AGGF1: variants seen among roughly 807,000 people sequenced by gnomAD.
AGGF1 encodes the protein angiogenic factor with G-patch and FHA domains 1, also known as angiogenic factor with G patch and FHA domains 1.
In AGGF1, 56 loss-of-function variants were observed where a neutral mutation model predicts 86.5. The ratio of observed to expected loss-of-function variants is 0.65; its 90% CI spans 0.52 to 0.81. The LOEUF is 0.81. Ranked by LOEUF, AGGF1 falls within the 30% of genes least tolerant of loss-of-function variation. The pLI is 0.00. For synonymous variants in AGGF1, 313 were observed against 297.1 expected (o/e 1.05, Z -0.55); for missense variants, 816 against 850.9 (o/e 0.96, Z 0.51).
intron 2 of AGGF1, 53 bp from the exon 3 acceptor site, chr5:77,035,488 T>C (rs1746947723): frequency 1.4e-6 from 2 of 1,399,608 alleles, no homozygotes; most frequent in Admixed American, 1.9e-5. Flanking sequence ...TTAAGTCCTT[T>C]TTATATACAT....
chr5:77,054,718 A>T (rs922692549), intron 10 of AGGF1, among the ~76,000 whole-genome samples: 1 of 152,194 alleles, frequency 6.6e-6, no homozygotes, highest in African/African-American at 2.4e-5. Context: ...ATCAATTAAA[A>T]TAATTTAAAA....
Position 77,063,118 on chromosome 5 carries a change from G to T in AGGF1, c.2011G>T (p.Val671Phe), listed in dbSNP as rs546793289. ...AGGCAAACCATCCTCATTTGAAGAT[G>T]TTCACCTTCTCCAAAACAAGAACAA... ...GTGKPSSFED[V>F]HLLQNKNKKN... The change falls in exon 14 of 14, where the codon GTT becomes TTT. Residue 671 changes from valine (V) to phenylalanine (F), a missense_variant. Physicochemically the swap from Val to Phe is conservative, Grantham distance 50. This residue lies in a region of AGGF1 where 565 missense variants were observed against 585.8 expected (regional missense o/e 0.96). Transcript: ENST00000312916. 1 of 1,614,006 alleles carries T rather than the reference G, an allele frequency of 6.2e-7. No individual in the cohort carries two copies. The highest frequency in any genetic ancestry group is 1.3e-5 in the African/African-American group (1 of 74,998).
chr5:77,040,108 A>ATT (rs11320290), intron 5 of AGGF1, among the ~76,000 whole-genome samples: 3 of 141,892 alleles, frequency 2.1e-5, no homozygotes, highest in Non-Finnish European at 1.5e-5. Flanking sequence ...TACTAGGACA[A>ATT]TTTTTTTTTT....
chr5:77,046,240 C>T, intron 5 of AGGF1, 107 bp from the exon 6 acceptor site: 1 of 963,126 alleles, frequency 1.0e-6, no homozygotes, highest in Non-Finnish European at 1.7e-6. Flanking sequence ...TGTTATTTTA[C>T]TGACACATAT....
rs749626928 is a variant in AGGF1 at position 77,055,601 on chromosome 5, G to A, written c.1716+5G>A. The A allele has an allele frequency of 9.0e-6, 14 of 1,559,460 alleles. No homozygotes were observed. The highest frequency in any genetic ancestry group is 1.2e-5 in the Non-Finnish European group (14 of 1,132,794). On this transcript the variant is annotated splice_donor_5th_base_variant and intron_variant, in intron 11 of 13. Transcript: ENST00000312916. The stretch of plus-strand genomic sequence containing the variant: ...CGAGTAAAATATGGTTTACAGGTGA[G>A]GATGTTGAATATTGTTTCATTTGTT...
At chr5:77,036,386 C>T (rs1746967355) in intron 3 of AGGF1, among the ~76,000 whole-genome samples, 170 bp from the exon 4 acceptor site, 1 of 152,178 alleles carries the variant, frequency 6.6e-6, no homozygotes, top group African/African-American at 2.4e-5. Flanking sequence ...GTTACTGACA[C>T]ACTAGTAAAT....
chr5:77,058,196 A>G (rs1360525225), intron 11 of AGGF1, among the ~76,000 whole-genome samples: 1 of 152,208 alleles, frequency 6.6e-6, no homozygotes. Context: ...ATTTATTTAT[A>G]TTAATTATAC....
chr5:77,052,628 C>CTTATCATCTTATCATATCTT (rs1231531292), intron 8 of AGGF1, 78 bp from the exon 9 acceptor site: 3 of 981,704 alleles, frequency 3.1e-6, no homozygotes, highest in Non-Finnish European at 4.7e-6. Flanking sequence ...CTCAAGTTAA[C>CTTATCATCTTATCATATCTT]ATCATCATAT....
Position 77,063,714 on chromosome 5 carries a change from A to G in AGGF1, c.*462A>G, listed in dbSNP as rs1256922584. ...GAACCTAGGTAAAAAATGTTGCGAA[A>G]ACATGGGTAGTGGCGCATACATTTT... On this transcript the variant is annotated 3_prime_UTR_variant, in exon 14 of 14. Coordinates refer to ENST00000312916, the MANE Select transcript of AGGF1 (RefSeq NM_018046.5). 1 of 170,634 alleles carries G rather than the reference A, an allele frequency of 5.9e-6. No homozygotes were observed. Among genetic ancestry groups the G allele is most frequent in the Non-Finnish European group, 1.3e-5 (1 of 79,326 alleles). 10.6% of individuals were successfully genotyped at this position (170,634 alleles called of 1,614,324 possible). A position where few individuals can be genotyped will look rare whatever the true frequency, so the allele number is the denominator to read the frequency against.
chr5:77,047,572 G>T (rs769552615), intron 6 of AGGF1, among the ~76,000 whole-genome samples: 5 of 151,364 alleles, frequency 3.3e-5, no homozygotes, highest in Non-Finnish European at 5.9e-5. Flanking sequence ...GGAGTGCAGT[G>T]GCGCAGTCTC....
intron 4 of AGGF1, among the ~76,000 whole-genome samples, 170 bp from the exon 5 acceptor site, chr5:77,039,356 GGTAAA>G (rs1166972410): frequency 9.2e-5 from 14 of 151,936 alleles, no homozygotes; most frequent in Non-Finnish European, 1.9e-4. Context: ...GTTATTGAAT[GGTAAA>G]GTATTTTGGA....
At chr5:77,051,825 G>A (rs1001159212) in intron 8 of AGGF1, among the ~76,000 whole-genome samples, 1 of 152,168 alleles carries the variant, frequency 6.6e-6, no homozygotes, top group Admixed American at 6.5e-5. Flanking sequence ...AGGATGGGTG[G>A]ATAGATTGTG....
At chr5:77,033,726 T>C (rs866088375) in intron 1 of AGGF1, among the ~76,000 whole-genome samples, 1 of 152,246 alleles carries the variant, frequency 6.6e-6, no homozygotes, top group Non-Finnish European at 1.5e-5. Context: ...TTCTTGTGTG[T>C]AGTAGACATT....
In AGGF1 at chr5:77,030,462, G is replaced by A. The variant is rs531092360; in HGVS notation, c.-305G>A. 3.5e-6 allele frequency: 2 copies of A among 577,822 alleles called. No homozygotes were observed. The allele number at this position is 577,822 out of a possible 1,614,324, so 35.8% of individuals were successfully genotyped here. A position where few individuals can be genotyped will look rare whatever the true frequency, so the allele number is the denominator to read the frequency against. ...GAGCTCTTCTGGCCTCTGGTTTTCC[G>A]ACTGCTTATCCGACGCTCCTCCCTC... On this transcript the variant is annotated 5_prime_UTR_variant, in exon 1 of 14. Coordinates refer to ENST00000312916, the MANE Select transcript of AGGF1 (RefSeq NM_018046.5).
At position 77,063,976 on chromosome 5, in the gene AGGF1, A is replaced by G. The variant is rs193234307; in HGVS notation, c.*724A>G. On this transcript the variant is annotated 3_prime_UTR_variant, in exon 14 of 14. Transcript: ENST00000312916. ...GTTTTGATAAAGACCATTGCAGGCA[A>G]TGGAATTGTGCCAGAGAAATCTGAT... 3 of 152,754 alleles carry G rather than the reference A, an allele frequency of 2.0e-5. No individual in the cohort carries two copies. The East Asian group carries it at 5.8e-4, about 29-fold the overall frequency. The allele number at this position is 152,754 out of a possible 1,614,324, so 9.5% of individuals were successfully genotyped here.
rs1747518106 is a variant in AGGF1 at position 77,059,621 on chromosome 5, A to G, written c.1722A>G (p.Thr574=). 4.4e-6 allele frequency: 7 copies of G among 1,603,826 alleles called. No homozygotes were observed. The East Asian group carries it at 1.3e-4, about 31-fold the overall frequency. The stretch of plus-strand genomic sequence containing the variant: ...AATATTTTGTGTTTATTAAGAATAC[A>G]GAATACGAAGATGAAAAGACATTGA... ...KIRVKYGLQN[T]EYEDEKTLKN... is the part of the protein sequence containing the mutation. Residue 574 remains threonine (T), a synonymous_variant, in exon 12 of 14, where the codon ACA becomes ACG. Coordinates refer to ENST00000312916, the MANE Select transcript of AGGF1 (RefSeq NM_018046.5).
At chr5:77,061,222 C>G (rs970412636) in intron 12 of AGGF1, among the ~76,000 whole-genome samples, 11 of 152,300 alleles carry the variant, frequency 7.2e-5, no homozygotes, top group Non-Finnish European at 1.6e-4. Flanking sequence ...CTGTGCCCCA[C>G]CTAATCACTG....
rs758213462 is a variant in AGGF1 at position 77,055,576 on chromosome 5, C to A, written c.1696C>A (p.Arg566=). 1 of 1,591,908 alleles carries A rather than the reference C, an allele frequency of 6.3e-7. No individual in the cohort carries two copies. The highest frequency in any genetic ancestry group is 8.6e-7 in the Non-Finnish European group (1 of 1,161,112). ...LERRKELKKI[R]VKYGLQNTEY... ...AAGAAGAAAAGAATTAAAGAAAATA[C>A]GAGTAAAATATGGTTTACAGGTGAG... Residue 566 remains arginine (R), a synonymous_variant, in exon 11 of 14, where the codon CGA becomes AGA. Transcript: ENST00000312916.
intron 13 of AGGF1, among the ~76,000 whole-genome samples, chr5:77,062,007 G>GT (rs932918563): frequency 1.3e-5 from 2 of 152,064 alleles, no homozygotes; most frequent in Non-Finnish European, 2.9e-5. Flanking sequence ...CTCTTTTTGA[G>GT]TTTTTTTCCC....
Sources: allele counts gnomAD v4.1 joint callset (sites outside exome capture counted in the v4.1 genomes callset), GRCh38; gene constraint gnomAD v4.1.1; regional missense constraint gnomAD v4.1.1; transcripts MANE v1.5; gene names NCBI Gene and HGNC (gene_info 2026-07-23, HGNC 2026-07-21).